KLHL32: variants seen among roughly 807,000 people sequenced by gnomAD.
KLHL32 encodes kelch-like protein 32.
In KLHL32, 35 loss-of-function variants were observed where a neutral mutation model predicts 64.8. That is an observed-to-expected ratio of 0.54 (90% confidence interval 0.41 to 0.72). The LOEUF is 0.72. Among genes scored for constraint, KLHL32 ranks in the 30% least tolerant of loss-of-function variants. KLHL32 has a pLI of 0.00. For synonymous variants in KLHL32, 259 were observed against 281.0 expected (o/e 0.92, Z 0.78); for missense variants, 589 against 768.5 (o/e 0.77, Z 2.76).
At chr6:97,077,807 C>A (rs1234327060) in intron 5 of KLHL32, among the ~76,000 whole-genome samples, 2 of 152,056 alleles carry the variant, frequency 1.3e-5, no homozygotes, top group Non-Finnish European at 2.9e-5. Context: ...ATTCTTGATC[C>A]AACAAATACT....
chr6:96,948,168 G>C (rs370649171), intron 1 of KLHL32, among the ~76,000 whole-genome samples: 2 of 152,168 alleles, frequency 1.3e-5, no homozygotes, highest in African/African-American at 2.4e-5. Context: ...TAGCTATTCC[G>C]TGTTACTAAT....
intron 6 of KLHL32, among the ~76,000 whole-genome samples, chr6:97,103,189 C>A (rs1795949457): frequency 6.7e-6 from 1 of 149,812 alleles, no homozygotes; most frequent in African/African-American, 2.5e-5. Flanking sequence ...TATATGTGAA[C>A]AATTTACTAA....
chr6:97,018,868 T>C (rs896332200), intron 3 of KLHL32, among the ~76,000 whole-genome samples: 1 of 152,168 alleles, frequency 6.6e-6, no homozygotes, highest in African/African-American at 2.4e-5. Context: ...TAAGGAGAAA[T>C]TAACAAATTC....
chr6:97,035,157 G>T (rs1240783698), intron 3 of KLHL32, among the ~76,000 whole-genome samples: 1 of 151,770 alleles, frequency 6.6e-6, no homozygotes, highest in African/African-American at 2.4e-5. Context: ...TTTCTGTGTG[G>T]TTACCTCAAG....
chr6:96,997,546 G>A (rs961458236), intron 3 of KLHL32, among the ~76,000 whole-genome samples: 7 of 152,056 alleles, frequency 4.6e-5, no homozygotes, highest in African/African-American at 1.7e-4. Context: ...TCAGGAGTTT[G>A]AGACCAGCTT....
chr6:96,979,470 G>T (rs2128047495), intron 3 of KLHL32, among the ~76,000 whole-genome samples: 1 of 152,150 alleles, frequency 6.6e-6, no homozygotes, highest in South Asian at 2.1e-4. Context: ...TTATTTCTGG[G>T]CTCTCTATTC....
intron 3 of KLHL32, among the ~76,000 whole-genome samples, chr6:97,028,957 T>C (rs1262452280): frequency 6.6e-6 from 1 of 152,160 alleles, no homozygotes; most frequent in Non-Finnish European, 1.5e-5. Context: ...AGGAGAACCA[T>C]AGGGATCTGA....
chr6:96,950,426 C>A (rs1772435061), intron 1 of KLHL32, among the ~76,000 whole-genome samples: 1 of 151,788 alleles, frequency 6.6e-6, no homozygotes, highest in Non-Finnish European at 1.5e-5. Context: ...TGCCCACGTT[C>A]TTTCTTCTAC....
At chr6:96,903,409 G>A in the KLHL32 span, among the ~76,000 whole-genome samples, 5 of 152,182 alleles carry the variant, frequency 3.3e-5, no homozygotes, top group Admixed American at 6.5e-5. Flanking sequence ...AATAGATTAC[G>A]GTCACTCTCA....
At chr6:96,938,052 C>G (rs148347188) in intron 1 of KLHL32, among the ~76,000 whole-genome samples, 23 of 152,286 alleles carry the variant, frequency 1.5e-4, no homozygotes, top group Non-Finnish European at 2.6e-4. Context: ...GATTCCTAAG[C>G]CTCTTTGTCA....
Position 96,959,426 on chromosome 6 carries a change from G to A in KLHL32, c.-65-7570G>A, listed in dbSNP as rs116120590. Among the ~76,000 whole-genome samples, 1,476 of 152,296 alleles carry A rather than the reference G, an allele frequency of 9.7e-3. 18 individuals are homozygous for A. Among genetic ancestry groups the A allele is most frequent in the African/African-American group, 0.034 (1,414 of 41,560 alleles). ...TGGAGGCTACAAGTCTGAGATCAAG[G>A]TGTTAACAGGGTTGGTTTCTTCTGA... On this transcript the variant is annotated intron_variant, in intron 1 of 10. Transcript: ENST00000369261.
At chr6:97,129,534 G>A (rs78441442) in intron 8 of KLHL32, among the ~76,000 whole-genome samples, 4,865 of 152,136 alleles carry the variant, frequency 0.032, 254 homozygotes, top group African/African-American at 0.11. Context: ...CATTACTGAG[G>A]GTGAACAGGA....
chr6:96,988,913 A>T (rs1777484606), intron 3 of KLHL32, among the ~76,000 whole-genome samples: 1 of 150,350 alleles, frequency 6.7e-6, no homozygotes, highest in Non-Finnish European at 1.5e-5. Flanking sequence ...ATGAGAACAC[A>T]TGGAGACAGG....
At chr6:97,058,882 T>C (rs1338968736) in intron 4 of KLHL32, among the ~76,000 whole-genome samples, 1 of 152,250 alleles carries the variant, frequency 6.6e-6, no homozygotes, top group Non-Finnish European at 1.5e-5. Flanking sequence ...CCCTTATATT[T>C]GTTTAAGCTG....
At chr6:97,068,203 T>TCAAACAAATGATACAA (rs1790121024) in intron 5 of KLHL32, among the ~76,000 whole-genome samples, 1 of 152,252 alleles carries the variant, frequency 6.6e-6, no homozygotes, top group Non-Finnish European at 1.5e-5. Flanking sequence ...ATACATTTTG[T>TCAAACAAATGATACAA]ATCACCTTGC....
chr6:96,908,957 A>G, the KLHL32 span, among the ~76,000 whole-genome samples: 1 of 152,144 alleles, frequency 6.6e-6, no homozygotes, highest in South Asian at 2.1e-4. Context: ...GAGAAACTGA[A>G]TGAACACTGC....
intron 7 of KLHL32, among the ~76,000 whole-genome samples, chr6:97,125,157 A>T (rs760276282): frequency 9.9e-5 from 15 of 152,208 alleles, no homozygotes; most frequent in Non-Finnish European, 1.9e-4. Flanking sequence ...AGATAATTTT[A>T]AAAATAGTCC....
chr6:96,992,229 C>G lies in KLHL32; in HGVS notation c.204+16052C>G, dbSNP rs530586753. 1.0e-3 allele frequency among the ~76,000 whole-genome samples: 157 copies of G among 152,332 alleles called. 3 individuals are homozygous for G. The South Asian group carries it at 0.016, about 15-fold the overall frequency. On this transcript the variant is annotated intron_variant, in intron 3 of 10. Coordinates refer to ENST00000369261, the MANE Select transcript of KLHL32 (RefSeq NM_052904.4). ...GTCCGGTACCAGGGGATCCATGGCT[C>G]CCGGGACCCAGGGTTGCAAAGGTCC...
At chr6:96,950,220 A>G (rs185555749) in intron 1 of KLHL32, among the ~76,000 whole-genome samples, 69 of 149,118 alleles carry the variant, frequency 4.6e-4, no homozygotes, top group Admixed American at 2.0e-3. Context: ...TGAAATTTCT[A>G]CATTTGTGTT....
Sources: allele counts gnomAD v4.1 joint callset (sites outside exome capture counted in the v4.1 genomes callset), GRCh38; gene constraint gnomAD v4.1.1; transcripts MANE v1.5; gene names NCBI Gene and HGNC (gene_info 2026-07-23, HGNC 2026-07-21).